Variants in PRKAR1A observed in about 807,000 individuals in gnomAD.
PRKAR1A encodes the protein protein kinase cAMP-dependent type I regulatory subunit alpha, also known as cAMP-dependent protein kinase type I-alpha regulatory subunit.
PRKAR1A carries 3 observed loss-of-function variants against 52.0 expected under a neutral mutation model. The ratio of observed to expected loss-of-function variants is 0.06; its 90% CI spans 0.03 to 0.15. The LOEUF is 0.15. Among genes scored for constraint, PRKAR1A ranks in the 10% least tolerant of loss-of-function variants. The pLI is 1.00. For synonymous variants in PRKAR1A, 188 were observed against 168.4 expected (o/e 1.12, Z -0.90); for missense variants, 240 against 477.4 (o/e 0.50, Z 4.63).
chr17:68,503,175 C>T, the PRKAR1A span, among the ~76,000 whole-genome samples: 1 of 152,228 alleles, frequency 6.6e-6, no homozygotes, highest in Non-Finnish European at 1.5e-5. Flanking sequence ...AACCACTACA[C>T]ATTTAACAGG....
chr17:68,488,840 G>A, the PRKAR1A span, among the ~76,000 whole-genome samples: 2 of 151,870 alleles, frequency 1.3e-5, no homozygotes, highest in South Asian at 2.1e-4. Flanking sequence ...GAGCTCTGGA[G>A]TGAAGAAACT....
At chr17:68,542,669 A>G in intron 11 of PRKAR1A, 3 of 1,567,528 alleles carry the variant, frequency 1.9e-6, no homozygotes. Flanking sequence ...TCAGACCCGG[A>G]ATATCACTCG....
the PRKAR1A span, chr17:68,436,546 C>T: frequency 2.1e-6 from 3 of 1,456,586 alleles, no homozygotes; most frequent in South Asian, 2.3e-5. Flanking sequence ...CTGGAGAGGG[C>T]ATCTGAAAAC....
At chr17:68,436,480 C>G in the PRKAR1A span, 39 of 1,613,564 alleles carry the variant, frequency 2.4e-5, no homozygotes, top group Non-Finnish European at 3.1e-5. Flanking sequence ...GCACATAGAC[C>G]TGGCAAAGAA....
chr17:68,430,315 G>A, the PRKAR1A span, among the ~76,000 whole-genome samples: 97 of 152,222 alleles, frequency 6.4e-4, no homozygotes, highest in African/African-American at 2.2e-3. Context: ...AATCCAGGAC[G>A]TATTATTCTG....
At chr17:68,533,952 C>T (rs2086042012), downstream of PRKAR1A, among the ~76,000 whole-genome samples, 1 of 152,178 alleles carries the variant, frequency 6.6e-6, no homozygotes, top group Non-Finnish European at 1.5e-5. Flanking sequence ...TGGTCTCGAA[C>T]TCCTAAGCTC....
chr17:68,486,412 C>T, the PRKAR1A span, among the ~76,000 whole-genome samples: 2 of 135,696 alleles, frequency 1.5e-5, no homozygotes, highest in Non-Finnish European at 3.5e-5. Context: ...TTCTTTCTTT[C>T]TTTCCTTCCT....
At chr17:68,501,981 C>A in the PRKAR1A span, among the ~76,000 whole-genome samples, 1 of 152,190 alleles carries the variant, frequency 6.6e-6, no homozygotes, top group African/African-American at 2.4e-5. Context: ...TCCCTAGGTT[C>A]TCTCGCTCTT....
At position 68,532,560 on chromosome 17, in the gene PRKAR1A, C is replaced by A; in HGVS notation, c.*2111C>A. On this transcript the variant is annotated 3_prime_UTR_variant, in exon 11 of 11. Transcript: ENST00000589228. ...GGCATAATTTGTCTTAGTTGATATT[C>A]AAGGCTTTAAAAGTCATTATTCCTG... is the stretch of plus-strand genomic sequence containing the variant. 1 of 1,065,856 alleles carries A rather than the reference C, an allele frequency of 9.4e-7. No homozygotes were observed. 66.0% of individuals were successfully genotyped at this position (1,065,856 alleles called of 1,614,324 possible).
chr17:68,524,556 C>T (rs1170534563), intron 5 of PRKAR1A, among the ~76,000 whole-genome samples: 1 of 152,076 alleles, frequency 6.6e-6, no homozygotes, highest in Non-Finnish European at 1.5e-5. Flanking sequence ...TTATTCTTGA[C>T]ATTTTATGAG....
chr17:68,532,861 G>A lies in PRKAR1A; in HGVS notation c.*2412G>A. ...CTCGGGTGGGCAAAAATGAAAAGGG[G>A]GAAAGTGAATTATGGGATCGGTGTT... On this transcript the variant is annotated 3_prime_UTR_variant, in exon 11 of 11. Coordinates refer to ENST00000589228, the MANE Select transcript of PRKAR1A (RefSeq NM_002734.5). The A allele has an allele frequency of 9.4e-7, 1 of 1,066,406 alleles. No homozygotes were observed. The highest frequency in any genetic ancestry group is 1.1e-6 in the Non-Finnish European group (1 of 879,794). 66.1% of individuals were successfully genotyped at this position (1,066,406 alleles called of 1,614,324 possible). A position where few individuals can be genotyped will look rare whatever the true frequency, so the allele number is the denominator to read the frequency against.
chr17:68,435,515 G>T, the PRKAR1A span: 1 of 1,102,588 alleles, frequency 9.1e-7, no homozygotes, highest in South Asian at 1.3e-5. Flanking sequence ...TGGGCCCAGA[G>T]ACCAGTCAGT....
chr17:68,528,777 A>G (rs1036296371), intron 8 of PRKAR1A, 93 bp from the exon 9 acceptor site: 8 of 1,501,094 alleles, frequency 5.3e-6, no homozygotes, highest in African/African-American at 2.8e-5. Flanking sequence ...TTGAATGGGC[A>G]TGGCTATTTG....
the PRKAR1A span, among the ~76,000 whole-genome samples, chr17:68,443,902 A>G: frequency 6.6e-6 from 1 of 152,206 alleles, no homozygotes; most frequent in African/African-American, 2.4e-5. Flanking sequence ...GAATTCATAT[A>G]ATGTCATCTG....
At chr17:68,515,109 T>C (rs936031453) in intron 1 of PRKAR1A, 7 of 437,042 alleles carry the variant, frequency 1.6e-5, no homozygotes, top group Non-Finnish European at 3.0e-5. Context: ...TCAGCACCCG[T>C]CTCTGCAGAG....
At chr17:68,527,454 A>G (rs1354198698) in intron 7 of PRKAR1A, 1 of 210,202 alleles carries the variant, frequency 4.8e-6, no homozygotes, top group Non-Finnish European at 9.8e-6. Context: ...GTGGCACAAA[A>G]TCAGTTTGAG....
intron 11 of PRKAR1A, among the ~76,000 whole-genome samples, chr17:68,545,115 T>C (rs1290099408): frequency 6.6e-6 from 1 of 152,174 alleles, no homozygotes; most frequent in East Asian, 1.9e-4. Context: ...TACAGAAAAA[T>C]ACAAAGCGCA....
chr17:68,489,770 G>A, the PRKAR1A span, among the ~76,000 whole-genome samples: 130 of 151,780 alleles, frequency 8.6e-4, no homozygotes, highest in African/African-American at 3.0e-3. Flanking sequence ...TGGCCAGCCC[G>A]GTCTCGAACT....
At chr17:68,495,084 A>T in the PRKAR1A span, among the ~76,000 whole-genome samples, 2 of 151,978 alleles carry the variant, frequency 1.3e-5, no homozygotes, top group East Asian at 3.9e-4. Context: ...TCTGTTTCCC[A>T]GACTCGAGTG....
Sources: allele counts gnomAD v4.1 joint callset (sites outside exome capture counted in the v4.1 genomes callset), GRCh38; gene constraint gnomAD v4.1.1; transcripts MANE v1.5; gene names NCBI Gene and HGNC (gene_info 2026-07-23, HGNC 2026-07-21).